Variants in DMXL2 observed in about 807,000 individuals in gnomAD.
DMXL2 encodes dmX-like protein 2.
Under a neutral mutation model 331.1 loss-of-function variants are expected in DMXL2, and 103 were observed. The observed-to-expected ratio is 0.31, with a 90% CI of 0.27 to 0.37. The LOEUF is 0.37. Ranked by LOEUF, DMXL2 falls within the 10% of genes least tolerant of loss-of-function variation. The pLI is 1.00. For missense variants in DMXL2, 3,171 were observed against 3,642.9 expected (o/e 0.87, Z 3.33); for synonymous variants, 1,281 against 1,252.1 (o/e 1.02, Z -0.49).
At chr15:51,546,613 G>A (rs927816578) in intron 7 of DMXL2, among the ~76,000 whole-genome samples, 2 of 151,964 alleles carry the variant, frequency 1.3e-5, no homozygotes, top group African/African-American at 4.8e-5. Context: ...GGAATCATTT[G>A]TATAAGCTTT....
chr15:51,596,055 C>A (rs1275204507), intron 1 of DMXL2, among the ~76,000 whole-genome samples: 5 of 152,108 alleles, frequency 3.3e-5, no homozygotes, highest in African/African-American at 1.2e-4. Context: ...GCAACAAAAG[C>A]CAAAATTGAC....
intron 1 of DMXL2, among the ~76,000 whole-genome samples, chr15:51,598,451 A>G (rs1338478364): frequency 6.6e-6 from 1 of 152,202 alleles, no homozygotes; most frequent in Non-Finnish European, 1.5e-5. Context: ...CTGATAAAAT[A>G]CTATTATCTA....
At chr15:51,492,196 T>C (rs187412212) in intron 19 of DMXL2, among the ~76,000 whole-genome samples, 1 of 152,298 alleles carries the variant, frequency 6.6e-6, no homozygotes, top group East Asian at 1.9e-4. Context: ...ACAAGGTGTG[T>C]TATCCCCCAC....
In DMXL2 at chr15:51,542,046, A is replaced by G. The variant is rs568064944; in HGVS notation, c.1105+287T>C. ...TACACTAATTTACCAGGCTGCCACCACTTGTGATACCAGGTTCAATCACAG... is the reference window on the plus strand; with the variant it reads ...TACACTAATTTACCAGGCTGCCACCGCTTGTGATACCAGGTTCAATCACAG... On this transcript the variant is annotated intron_variant, in intron 9 of 43. Coordinates refer to ENST00000560891, the MANE Select transcript of DMXL2 (RefSeq NM_001378457.1). Among the ~76,000 whole-genome samples, 15 of 152,290 alleles carry G rather than the reference A, an allele frequency of 9.8e-5. No homozygotes were observed. The South Asian group carries it at 3.1e-3, about 32-fold the overall frequency.
At chr15:51,595,205 T>C (rs983905482) in intron 1 of DMXL2, among the ~76,000 whole-genome samples, 5 of 152,240 alleles carry the variant, frequency 3.3e-5, no homozygotes, top group Admixed American at 1.3e-4. Flanking sequence ...CTTAAGCTGA[T>C]AGGCAACTTC....
chr15:51,482,546 G>A (rs2042092151), intron 23 of DMXL2, among the ~76,000 whole-genome samples: 3 of 152,114 alleles, frequency 2.0e-5, no homozygotes, highest in Admixed American at 6.5e-5. Context: ...GACAAGATTA[G>A]TACCAATGAG....
chr15:51,507,065 CAAAGT>C (rs1567043573), intron 16 of DMXL2, 64 bp downstream of exon 16: 1 of 1,252,640 alleles, frequency 8.0e-7, no homozygotes, highest in East Asian at 2.8e-5. Flanking sequence ...CAGAATTAAC[CAAAGT>C]AAAGCATATT....
At chr15:51,538,511 G>C in intron 9 of DMXL2, 59 bp from the exon 10 acceptor site, 1 of 1,360,698 alleles carries the variant, frequency 7.3e-7, no homozygotes, top group Non-Finnish European at 9.9e-7. Flanking sequence ...AACATGACAA[G>C]TGCTTACAAT....
intron 2 of DMXL2, among the ~76,000 whole-genome samples, chr15:51,569,299 C>G (rs2050499885): frequency 6.6e-6 from 1 of 152,186 alleles, no homozygotes; most frequent in Non-Finnish European, 1.5e-5. Context: ...TGGTTTTACC[C>G]TCACAGTGTA....
intron 1 of DMXL2, among the ~76,000 whole-genome samples, chr15:51,582,162 C>A (rs992664196): frequency 6.6e-6 from 1 of 152,062 alleles, no homozygotes; most frequent in Non-Finnish European, 1.5e-5. Context: ...TTCTATATTC[C>A]TAATCTTTCT....
chr15:51,488,171 A>G (rs768625626), intron 21 of DMXL2, 52 bp from the exon 22 acceptor site: 1 of 1,459,766 alleles, frequency 6.9e-7, no homozygotes, highest in Non-Finnish European at 9.2e-7. Flanking sequence ...AAAATGTTCT[A>G]CAGAATGTAT....
intron 1 of DMXL2, among the ~76,000 whole-genome samples, chr15:51,621,467 T>G (rs1002929260): frequency 3.7e-4 from 57 of 152,152 alleles, no homozygotes; most frequent in Non-Finnish European, 1.0e-4. Context: ...CAAAATATAT[T>G]TAATAAAGGT....
chr15:51,569,220 T>C (rs1266785280), intron 2 of DMXL2, among the ~76,000 whole-genome samples: 1 of 152,148 alleles, frequency 6.6e-6, no homozygotes, highest in Non-Finnish European at 1.5e-5. Flanking sequence ...TCACAGCATC[T>C]GAGGTTGACC....
intron 26 of DMXL2, among the ~76,000 whole-genome samples, chr15:51,477,919 G>A (rs2140348843): frequency 6.6e-6 from 1 of 151,970 alleles, no homozygotes; most frequent in Admixed American, 6.6e-5. Context: ...TGGATAATTA[G>A]TTAAATAGCT....
chr15:51,504,123 T>C (rs1449569264), intron 16 of DMXL2, among the ~76,000 whole-genome samples: 4 of 152,116 alleles, frequency 2.6e-5, no homozygotes, highest in African/African-American at 4.8e-5. Context: ...GACACTGATT[T>C]AGATGATATG....
Position 51,622,567 on chromosome 15 carries a change from G to C in DMXL2, c.-22C>G. The C allele has an allele frequency of 1.0e-5, 16 of 1,542,496 alleles. No individual in the cohort carries two copies. Among genetic ancestry groups the C allele is most frequent in the Non-Finnish European group, 1.4e-5 (16 of 1,141,872 alleles). On this transcript the variant is annotated 5_prime_UTR_variant, in exon 1 of 44. Transcript: ENST00000560891. ...GCATCTCCGGAGCCCGGGCTGGACA[G>C]AATGCGCGGGAGGTGCGACAAGCTC...
At chr15:51,507,525 G>A (rs2046478414) in intron 15 of DMXL2, among the ~76,000 whole-genome samples, 1 of 152,100 alleles carries the variant, frequency 6.6e-6, no homozygotes, top group Admixed American at 6.5e-5. Flanking sequence ...GAATAAAACT[G>A]AATACAATTT....
intron 15 of DMXL2, among the ~76,000 whole-genome samples, chr15:51,513,806 T>C (rs533696033): frequency 7.9e-5 from 12 of 152,308 alleles, no homozygotes; most frequent in Non-Finnish European, 1.8e-4. Context: ...TGAAGTTATA[T>C]ATATACACAC....
intron 23 of DMXL2, 104 bp downstream of exon 23, chr15:51,485,969 A>G (rs1413160128): frequency 3.2e-6 from 4 of 1,266,872 alleles, no homozygotes; most frequent in Non-Finnish European, 4.3e-6. Context: ...CTCAAAGTTG[A>G]AAAGCAAATC....
Sources: allele counts gnomAD v4.1 joint callset (sites outside exome capture counted in the v4.1 genomes callset), GRCh38; gene constraint gnomAD v4.1.1; transcripts MANE v1.5; gene names NCBI Gene and HGNC (gene_info 2026-07-23, HGNC 2026-07-21).